KLF8: variants seen among roughly 807,000 people sequenced by gnomAD.
KLF8 encodes KLF transcription factor 8.
A neutral mutation model predicts 18.2 loss-of-function variants in KLF8; 10 were observed. The ratio of observed to expected loss-of-function variants is 0.55; its 90% CI spans 0.34 to 0.93. The LOEUF is 0.93. Ranked by LOEUF, KLF8 falls within the 40% of genes least tolerant of loss-of-function variation. The pLI, the probability that KLF8 is intolerant of heterozygous loss-of-function variation, is 0.02. For missense variants in KLF8, 264 were observed against 277.9 expected (o/e 0.95, Z 0.36); for synonymous variants, 109 against 97.3 (o/e 1.12, Z -0.71).
chrX:56,001,742 G>A, the KLF8 span, among the ~76,000 whole-genome samples: 16 of 111,480 alleles, frequency 1.4e-4, no homozygotes, highest in Non-Finnish European at 3.0e-4. Flanking sequence ...AGTCATCAGT[G>A]GCTTCCTTGT....
chrX:56,055,132 C>G, the KLF8 span, among the ~76,000 whole-genome samples: 3 of 111,428 alleles, frequency 2.7e-5, no homozygotes, highest in African/African-American at 9.8e-5. Context: ...TATTAGCTGG[C>G]TATTTTTCAG....
chrX:55,926,097 G>T, the KLF8 span, among the ~76,000 whole-genome samples: 2 of 111,823 alleles, frequency 1.8e-5, no homozygotes, highest in African/African-American at 6.5e-5. Context: ...GATAATATTT[G>T]TGGTCATGAT....
the KLF8 span, among the ~76,000 whole-genome samples, chrX:56,188,936 A>T: frequency 8.9e-6 from 1 of 111,911 alleles, no homozygotes; most frequent in Non-Finnish European, 1.9e-5. Flanking sequence ...AACCTAGGCA[A>T]TACCATTCAG....
At chrX:55,942,495 G>A in the KLF8 span, among the ~76,000 whole-genome samples, 1 of 110,205 alleles carries the variant, frequency 9.1e-6, no homozygotes, top group African/African-American at 3.3e-5. Context: ...TCATGCACTT[G>A]TACCCTAAAA....
At chrX:56,006,942 C>G in the KLF8 span, among the ~76,000 whole-genome samples, 2 of 111,623 alleles carry the variant, frequency 1.8e-5, no homozygotes, top group African/African-American at 6.5e-5. Flanking sequence ...TGTCAGTGGG[C>G]AGGGTGGGCC....
At chrX:56,044,751 T>A in the KLF8 span, among the ~76,000 whole-genome samples, 1 of 112,139 alleles carries the variant, frequency 8.9e-6, no homozygotes, top group African/African-American at 3.2e-5. Context: ...CTCCAACCCA[T>A]TGCCATTGGC....
At chrX:56,055,629 G>A in the KLF8 span, among the ~76,000 whole-genome samples, 1 of 112,203 alleles carries the variant, frequency 8.9e-6, no homozygotes, top group African/African-American at 3.2e-5. Flanking sequence ...GGTTGAAGAA[G>A]TTCTCATGGA....
the KLF8 span, among the ~76,000 whole-genome samples, chrX:56,040,800 CTTTTTTTTTTTTTTTTTTTTTTTTTTT>C: frequency 1.7e-4 from 1 of 6,027 alleles, no homozygotes; most frequent in Non-Finnish European, 4.6e-4. Context: ...ATGATACCAG[CTTTTTTTTTTTTTTTTTTTTTTTTTTT>C]TTTTTTTTTT....
chrX:56,151,082 A>T, the KLF8 span, among the ~76,000 whole-genome samples: 3 of 111,162 alleles, frequency 2.7e-5, no homozygotes, highest in African/African-American at 9.8e-5. Flanking sequence ...TAAAAATAAG[A>T]ACTCTAAGAA....
chrX:56,078,251 C>A, the KLF8 span, among the ~76,000 whole-genome samples: 1 of 111,734 alleles, frequency 8.9e-6, no homozygotes, highest in Non-Finnish European at 1.9e-5. Flanking sequence ...CAGTTTTTGC[C>A]CATTCAATAT....
the KLF8 span, among the ~76,000 whole-genome samples, chrX:56,100,076 A>G: frequency 9.0e-6 from 1 of 111,520 alleles, no homozygotes; most frequent in Non-Finnish European, 1.9e-5. Flanking sequence ...GCTTCGAAAG[A>G]CAGGCTGAAT....
the KLF8 span, among the ~76,000 whole-genome samples, chrX:56,030,482 A>T: frequency 1.8e-5 from 2 of 111,532 alleles, no homozygotes; most frequent in Admixed American, 9.5e-5. Flanking sequence ...GAGGCTTTTC[A>T]GTGTAAGATG....
At chrX:55,975,949 A>C in the KLF8 span, among the ~76,000 whole-genome samples, 1 of 111,039 alleles carries the variant, frequency 9.0e-6, no homozygotes. Flanking sequence ...ATCTCTACTA[A>C]AAATATAAAA....
the KLF8 span, among the ~76,000 whole-genome samples, chrX:56,158,372 A>G: frequency 9.0e-6 from 1 of 111,717 alleles, no homozygotes; most frequent in South Asian, 3.7e-4. Context: ...TGGCAACGCG[A>G]GCTCTTTTTT....
chrX:56,183,989 T>A, the KLF8 span, among the ~76,000 whole-genome samples: 1 of 110,622 alleles, frequency 9.0e-6, no homozygotes, highest in Non-Finnish European at 1.9e-5. Flanking sequence ...GGTACCAGGA[T>A]CATCTCACTA....
At chrX:56,139,413 G>T in the KLF8 span, among the ~76,000 whole-genome samples, 1 of 111,716 alleles carries the variant, frequency 9.0e-6, no homozygotes, top group Non-Finnish European at 1.9e-5. Context: ...ATTACAAGAT[G>T]ACACTAACCA....
the KLF8 span, among the ~76,000 whole-genome samples, chrX:56,107,381 C>T: frequency 4.5e-5 from 5 of 111,770 alleles, no homozygotes; most frequent in Non-Finnish European, 9.4e-5. Context: ...CCACCCAGTT[C>T]GAGCTTCCTG....
the KLF8 span, among the ~76,000 whole-genome samples, chrX:56,090,767 C>A: frequency 9.0e-6 from 1 of 111,445 alleles, no homozygotes; most frequent in South Asian, 3.8e-4. Context: ...TTTTTCAACA[C>A]CCATGCATCT....
At chrX:55,993,310 G>C in the KLF8 span, among the ~76,000 whole-genome samples, 63 of 111,908 alleles carry the variant, frequency 5.6e-4, no homozygotes, top group African/African-American at 1.9e-3. Context: ...TAACGTAAAG[G>C]GATGTTGAAT....
Sources: allele counts gnomAD v4.1 joint callset (sites outside exome capture counted in the v4.1 genomes callset), GRCh38; gene constraint gnomAD v4.1.1; transcripts MANE v1.5; gene names NCBI Gene and HGNC (gene_info 2026-07-23, HGNC 2026-07-21).